DNAJC5B: variants seen among roughly 807,000 people sequenced by gnomAD.
DNAJC5B encodes dnaJ homolog subfamily C member 5B.
A neutral mutation model predicts 24.7 loss-of-function variants in DNAJC5B; 23 were observed. The observed-to-expected ratio is 0.93, with a 90% CI of 0.67 to 1.32. The LOEUF is 1.32. Ranked by LOEUF, DNAJC5B falls within the 40% of genes most tolerant of loss-of-function variation. The pLI is 0.00. For missense variants in DNAJC5B, 238 were observed against 240.8 expected, an observed-to-expected ratio of 0.99 and a Z score of 0.08; for synonymous variants, 101 against 90.1, an observed-to-expected ratio of 1.12 and a Z score of -0.68.
At chr8:66,032,286 A>C (rs923321044) in intron 1 of DNAJC5B, among the ~76,000 whole-genome samples, 2 of 152,228 alleles carry the variant, frequency 1.3e-5, no homozygotes, top group African/African-American at 4.8e-5. Flanking sequence ...CCGCTGGCCA[A>C]CACTCAGGGC....
intron 2 of DNAJC5B, among the ~76,000 whole-genome samples, chr8:66,049,156 A>T (rs1270863776): frequency 6.6e-6 from 1 of 152,242 alleles, no homozygotes; most frequent in African/African-American, 2.4e-5. Flanking sequence ...CTACATATAC[A>T]ATGGTAATCC....
rs369180611 is a variant in DNAJC5B at position 66,050,773 on chromosome 8, C to G, written c.-17-758C>G. 7.4e-4 allele frequency among the ~76,000 whole-genome samples: 113 copies of G among 152,188 alleles called. 1 individual carries two copies. Among genetic ancestry groups the G allele is most frequent in the African/African-American group, 2.6e-3 (108 of 41,436 alleles). On this transcript the variant is annotated intron_variant, in intron 2 of 5. Coordinates refer to ENST00000276570, the MANE Select transcript of DNAJC5B (RefSeq NM_033105.6). ...CATTTGTTAAGATGGCCTAGATGGC[C>G]TCTAACTCTATATTCTTCAGTCCTA...
chr8:66,076,834 C>T lies in DNAJC5B; in HGVS notation c.294C>T (p.Asn98=), dbSNP rs1807478047. Residue 98 remains asparagine, a synonymous_variant, in exon 4 of 6, where the codon AAC becomes AAT. Transcript: ENST00000276570. ...LYVAEQFGDE[N]VNTYFMLSSW... is the part of the protein sequence containing the mutation. ...TGGCCGAGCAGTTTGGAGACGAAAACGTTAACACCTACTTCATGCTGTCGA... is the reference window on the plus strand; with the variant it reads ...TGGCCGAGCAGTTTGGAGACGAAAATGTTAACACCTACTTCATGCTGTCGA... The T allele has an allele frequency of 1.2e-6, 2 of 1,613,986 alleles. No individual in the cohort carries two copies. Among genetic ancestry groups the T allele is most frequent in the Non-Finnish European group, 1.7e-6 (2 of 1,180,016 alleles).
At chr8:66,059,931 G>A (rs906696957) in intron 3 of DNAJC5B, among the ~76,000 whole-genome samples, 2 of 152,176 alleles carry the variant, frequency 1.3e-5, no homozygotes, top group South Asian at 2.1e-4. Flanking sequence ...AGTCCCGACC[G>A]CTCCTTCAGG....
At chr8:66,042,315 A>G (rs7017603) in intron 1 of DNAJC5B, among the ~76,000 whole-genome samples, 11,531 of 152,278 alleles carry the variant, frequency 0.076, 500 homozygotes, top group African/African-American at 0.11. Flanking sequence ...GTTCTGCACT[A>G]CTTAACTTTT....
At chr8:66,051,108 C>A (rs987705328) in intron 2 of DNAJC5B, among the ~76,000 whole-genome samples, 3 of 152,152 alleles carry the variant, frequency 2.0e-5, no homozygotes, top group African/African-American at 7.2e-5. Context: ...TGGACAACAT[C>A]CCCCAGCCAC....
At chr8:66,089,629 AC>A (rs1807803027) in intron 5 of DNAJC5B, among the ~76,000 whole-genome samples, 1 of 152,168 alleles carries the variant, frequency 6.6e-6, no homozygotes, top group African/African-American at 2.4e-5. Flanking sequence ...AGTCTAAGAT[AC>A]CTTTTGATGA....
chr8:66,057,156 AAAGT>A (rs1806984228), intron 3 of DNAJC5B: 2 of 152,176 alleles, frequency 1.3e-5, no homozygotes, highest in Admixed American at 1.3e-4. Context: ...ATAAATAAAT[AAAGT>A]AACCATCATA....
chr8:66,072,224 T>TA (rs1427143527), intron 3 of DNAJC5B, among the ~76,000 whole-genome samples: 1 of 152,050 alleles, frequency 6.6e-6, no homozygotes, highest in Non-Finnish European at 1.5e-5. Context: ...CAAGAATGTA[T>TA]AACAGTTATA....
rs142199915 is a variant in DNAJC5B, at chr8:66,033,192, C to G, written c.-141-10296C>G. On this transcript the variant is annotated intron_variant, in intron 1 of 5. Coordinates refer to ENST00000276570, the MANE Select transcript of DNAJC5B (RefSeq NM_033105.6). ...CTGGAGGTGGCCTTGCAGGAAGGCACGCAGGCTGGCCTGGGGCCACACAGG... is the reference window on the plus strand; with the variant it reads ...CTGGAGGTGGCCTTGCAGGAAGGCAGGCAGGCTGGCCTGGGGCCACACAGG... Among the ~76,000 whole-genome samples the G allele has an allele frequency of 1.7e-3, 261 of 152,338 alleles. 3 individuals carry two copies. The highest frequency in any genetic ancestry group is 5.9e-3 in the African/African-American group (247 of 41,580).
intron 5 of DNAJC5B, among the ~76,000 whole-genome samples, chr8:66,084,152 G>T (rs1807667328): frequency 6.6e-6 from 1 of 152,144 alleles, no homozygotes; most frequent in African/African-American, 2.4e-5. Context: ...AGCTCAGGCT[G>T]GTTAAGGATG....
chr8:66,071,351 C>G (rs1807343909), intron 3 of DNAJC5B, among the ~76,000 whole-genome samples: 1 of 152,018 alleles, frequency 6.6e-6, no homozygotes, highest in Non-Finnish European at 1.5e-5. Context: ...AACAAATTTA[C>G]AAGAAAAAAA....
upstream of DNAJC5B, among the ~76,000 whole-genome samples, chr8:66,017,130 C>T (rs1805975864): frequency 6.6e-6 from 1 of 152,064 alleles, no homozygotes; most frequent in Non-Finnish European, 1.5e-5. Flanking sequence ...CAATACATGC[C>T]TTACACTTTA....
intron 3 of DNAJC5B, among the ~76,000 whole-genome samples, chr8:66,070,503 T>C (rs1162117693): frequency 2.0e-5 from 3 of 152,158 alleles, no homozygotes; most frequent in Non-Finnish European, 4.4e-5. Flanking sequence ...TGAAGGGATG[T>C]GAAGGACTTC....
intron 3 of DNAJC5B, among the ~76,000 whole-genome samples, chr8:66,073,339 A>G (rs1232635446): frequency 1.3e-5 from 2 of 152,188 alleles, no homozygotes; most frequent in African/African-American, 4.8e-5. Flanking sequence ...ATAGAACATA[A>G]AGGTAAAAAT....
intron 3 of DNAJC5B, among the ~76,000 whole-genome samples, chr8:66,053,706 C>T (rs1806901725): frequency 6.6e-6 from 1 of 151,748 alleles, no homozygotes; most frequent in South Asian, 2.1e-4. Flanking sequence ...CTCGGCTCAC[C>T]GCAACCTCCG....
chr8:66,026,225 G>T (rs1020565992), intron 1 of DNAJC5B, among the ~76,000 whole-genome samples: 10 of 148,838 alleles, frequency 6.7e-5, no homozygotes, highest in African/African-American at 2.5e-4. Context: ...CTCTCTGTTT[G>T]TCTGTTGTTG....
chr8:66,063,498 C>T (rs1248508278), intron 3 of DNAJC5B, among the ~76,000 whole-genome samples: 2 of 152,174 alleles, frequency 1.3e-5, no homozygotes, highest in African/African-American at 4.8e-5. Flanking sequence ...TAATTTGCTT[C>T]CTGAGTTCTA....
intron 1 of DNAJC5B, among the ~76,000 whole-genome samples, chr8:66,030,139 T>C (rs1212642001): frequency 6.6e-6 from 1 of 152,206 alleles, no homozygotes; most frequent in Non-Finnish European, 1.5e-5. Context: ...CAGATTTCAG[T>C]TGAAAGTCTT....
Sources: gnomAD v4.1 joint callset for allele counts (sites outside exome capture counted in the v4.1 genomes callset) on GRCh38, gnomAD v4.1.1 for gene constraint, MANE v1.5 for transcripts, NCBI Gene and HGNC (gene_info 2026-07-23, HGNC 2026-07-21) for gene names.